DPYD: variants seen among roughly 807,000 people sequenced by gnomAD.
DPYD encodes dihydropyrimidine dehydrogenase.
In DPYD, 109 loss-of-function variants were observed where a neutral mutation model predicts 116.2. That is an observed-to-expected ratio of 0.94 (90% CI 0.80 to 1.10). The LOEUF (loss-of-function observed/expected upper bound fraction) is 1.10. Among genes scored for constraint, DPYD ranks in the 50% least tolerant of loss-of-function variants. The pLI is 0.00. For missense variants in DPYD, 1,302 were observed against 1,254.5 expected, an observed-to-expected ratio of 1.04 and a Z score of -0.57; for synonymous variants, 440 against 432.0, an observed-to-expected ratio of 1.02 and a Z score of -0.23.
chr1:97,887,765 C>A (rs1672580373), intron 1 of DPYD, among the ~76,000 whole-genome samples: 1 of 151,956 alleles, frequency 6.6e-6, no homozygotes, highest in Non-Finnish European at 1.5e-5. Flanking sequence ...TCCCATAATC[C>A]CCATGTGGTC....
chr1:97,634,494 A>G (rs1186517639), intron 8 of DPYD, among the ~76,000 whole-genome samples: 5 of 152,114 alleles, frequency 3.3e-5, no homozygotes, highest in Admixed American at 6.6e-5. Context: ...AATAACTAAT[A>G]CATAACAATA....
intron 6 of DPYD, among the ~76,000 whole-genome samples, chr1:97,698,082 T>C (rs910395167): frequency 3.3e-5 from 5 of 151,966 alleles, no homozygotes; most frequent in Admixed American, 6.6e-5. Flanking sequence ...AAATAATATA[T>C]AGGACATTTT....
intron 8 of DPYD, among the ~76,000 whole-genome samples, chr1:97,673,673 C>T (rs1352715439): frequency 6.6e-6 from 1 of 151,922 alleles, no homozygotes; most frequent in Admixed American, 6.6e-5. Flanking sequence ...AAGTGCTATA[C>T]TACAGTAAAA....
intron 19 of DPYD, among the ~76,000 whole-genome samples, chr1:97,219,533 A>G (rs1660647692): frequency 6.6e-6 from 1 of 152,198 alleles, no homozygotes. Context: ...ATTTGAGTTG[A>G]TAAAGGCACA....
At chr1:97,160,589 C>A (rs1570575714) in intron 20 of DPYD, among the ~76,000 whole-genome samples, 1 of 152,088 alleles carries the variant, frequency 6.6e-6, no homozygotes. Flanking sequence ...ATTAGCCCCC[C>A]TCTAGTTCCC....
At position 97,306,215 on chromosome 1, in the gene DPYD, A is replaced by G. The variant is rs569661196; in HGVS notation, c.2141T>C (p.Val714Ala). 9.3e-6 allele frequency: 15 copies of G among 1,612,582 alleles called. No homozygotes were observed. In the East Asian group the frequency reaches 3.1e-4, roughly 34 times the overall value. ...TCTTGCGATGCTCACAATATCAGTGACATTTGGGGTCAGCTTGGCAAAAAA... is the reference window on the plus strand; with the variant it reads ...TCTTGCGATGCTCACAATATCAGTGGCATTTGGGGTCAGCTTGGCAAAAAA... ...IPFFAKLTPN[V>A]TDIVSIARAA... is the part of the protein sequence containing the mutation. The change falls in exon 17 of 23, where the codon GTC (valine) becomes GCC (alanine). Residue 714 changes from valine to alanine, a missense_variant. By Grantham distance (64) the Val-to-Ala change is moderately conservative (BLOSUM62 0). Coordinates refer to ENST00000370192, the MANE Select transcript of DPYD (RefSeq NM_000110.4).
chr1:97,594,208 G>A (rs972432030), intron 9 of DPYD, among the ~76,000 whole-genome samples: 1 of 152,118 alleles, frequency 6.6e-6, no homozygotes, highest in Non-Finnish European at 1.5e-5. Context: ...ATTTCAATAA[G>A]TGTAATCATT....
rs1295597760 is a variant in DPYD, at chr1:97,691,696, A to T, written c.762+21T>A. The T allele has an allele frequency of 4.4e-6, 7 of 1,597,824 alleles. No individual in the cohort carries two copies. The South Asian group carries it at 6.6e-5, about 15-fold the overall frequency. On this transcript the variant is annotated intron_variant, in intron 7 of 22. Transcript: ENST00000370192. ...TCCTTTCTTTTTGAGCAGTACACAG[A>T]TAGGTGTTTTTTTCATTTACCTTTA...
chr1:97,107,494 G>T (rs1011930965), intron 20 of DPYD, among the ~76,000 whole-genome samples: 1 of 152,014 alleles, frequency 6.6e-6, no homozygotes, highest in Non-Finnish European at 1.5e-5. Context: ...GCTGAGAGGG[G>T]ATTATAAATT....
intron 2 of DPYD, among the ~76,000 whole-genome samples, chr1:97,851,598 A>C (rs1200930286): frequency 6.6e-6 from 1 of 151,930 alleles, no homozygotes; most frequent in Non-Finnish European, 1.5e-5. Context: ...CATTTTACAG[A>C]AAGTTTCTGT....
chr1:97,127,722 T>TA (rs1428863494), intron 20 of DPYD, among the ~76,000 whole-genome samples: 1 of 152,136 alleles, frequency 6.6e-6, no homozygotes, highest in Non-Finnish European at 1.5e-5. Flanking sequence ...AGATTATATA[T>TA]TTTTTTAGTT....
chr1:97,313,851 G>C (rs565627254), intron 16 of DPYD, among the ~76,000 whole-genome samples: 1 of 151,752 alleles, frequency 6.6e-6, no homozygotes, highest in Non-Finnish European at 1.5e-5. Flanking sequence ...CTTTCTACTA[G>C]ACTATTAGTC....
chr1:97,408,627 T>C (rs1363776955), intron 14 of DPYD, among the ~76,000 whole-genome samples: 2 of 152,124 alleles, frequency 1.3e-5, no homozygotes, highest in Non-Finnish European at 2.9e-5. Context: ...TAAAATTGAG[T>C]GTCAACTGGA....
At chr1:97,806,477 A>C (rs1668083488) in intron 3 of DPYD, among the ~76,000 whole-genome samples, 1 of 151,846 alleles carries the variant, frequency 6.6e-6, no homozygotes. Context: ...TTTTACTCAA[A>C]TATTTTGACT....
chr1:97,766,497 T>G (rs1443483927), intron 3 of DPYD, among the ~76,000 whole-genome samples: 3 of 152,100 alleles, frequency 2.0e-5, no homozygotes, highest in African/African-American at 7.2e-5. Flanking sequence ...TTCCTTATAG[T>G]CTTCCCATTT....
chr1:97,388,820 T>C (rs1298641677), intron 14 of DPYD, among the ~76,000 whole-genome samples: 1 of 152,036 alleles, frequency 6.6e-6, no homozygotes. Context: ...TTTGAGTATG[T>C]TTTTACACTA....
intron 2 of DPYD, among the ~76,000 whole-genome samples, chr1:97,869,029 CT>C (rs1168232314): frequency 6.6e-6 from 1 of 151,894 alleles, no homozygotes; most frequent in African/African-American, 2.4e-5. Context: ...TATCTTCTCT[CT>C]CCTCAGCCTG....
intron 2 of DPYD, among the ~76,000 whole-genome samples, chr1:97,873,456 T>C (rs909815250): frequency 5.9e-5 from 9 of 151,938 alleles, no homozygotes; most frequent in Non-Finnish European, 1.3e-4. Context: ...TATATATATA[T>C]AAACAACGGA....
chr1:97,417,497 T>A (rs975192836), intron 14 of DPYD, among the ~76,000 whole-genome samples: 2 of 152,210 alleles, frequency 1.3e-5, no homozygotes, highest in African/African-American at 4.8e-5. Context: ...TAACATACTC[T>A]AATATATGCT....
Sources: gnomAD v4.1 joint callset for allele counts (sites outside exome capture counted in the v4.1 genomes callset) on GRCh38, gnomAD v4.1.1 for gene constraint, MANE v1.5 for transcripts, NCBI Gene and HGNC (gene_info 2026-07-23, HGNC 2026-07-21) for gene names.